The following ZCCHC14 variants were observed in gnomAD, a reference collection of about 807,000 sequenced individuals.
ZCCHC14 encodes zinc finger CCHC-type containing 14.
A neutral mutation model predicts 85.0 loss-of-function variants in ZCCHC14; 16 were observed. The observed-to-expected ratio is 0.19, with a 90% CI of 0.13 to 0.29. ZCCHC14 has a LOEUF of 0.29. ZCCHC14 is among the 10% of genes least tolerant of loss of function. The pLI is 1.00. For synonymous variants in ZCCHC14, 775 were observed against 630.7 expected, an observed-to-expected ratio of 1.23 and a Z score of -3.43; for missense variants, 1,303 against 1,443.5, an observed-to-expected ratio of 0.90 and a Z score of 1.58.
rs1180491460 is a variant in ZCCHC14 at position 87,410,123 on chromosome 16, A to T, written c.*157T>A. 3.8e-6 allele frequency: 2 copies of T among 527,570 alleles called. No individual in the cohort carries two copies. The highest frequency in any genetic ancestry group is 6.7e-6 in the Non-Finnish European group (2 of 296,940). The allele number at this position is 527,570 out of a possible 1,614,324, so 32.7% of individuals were successfully genotyped here. On this transcript the variant is annotated 3_prime_UTR_variant, in exon 13 of 13. Coordinates refer to ENST00000671377, the MANE Select transcript of ZCCHC14 (RefSeq NM_015144.3). Reference sequence around the variant, plus strand: ...GGGTTTTGGCAATAAATCGAGTTTGATGCACTTCTACGCTAGATTTTCTAT... The same window carrying T: ...GGGTTTTGGCAATAAATCGAGTTTGTTGCACTTCTACGCTAGATTTTCTAT...
At chr16:87,482,374 G>A (rs1188474045) in intron 1 of ZCCHC14, among the ~76,000 whole-genome samples, 1 of 152,238 alleles carries the variant, frequency 6.6e-6, no homozygotes, top group Non-Finnish European at 1.5e-5. Context: ...GGAAAGCAGA[G>A]GAAAAACTGA....
chr16:87,411,488 G>A lies in ZCCHC14; in HGVS notation c.3205+28C>T. 4 of 1,610,780 alleles carry A rather than the reference G, an allele frequency of 2.5e-6. No homozygotes were observed. In the South Asian group the frequency reaches 4.4e-5, roughly 18 times the overall value. On this transcript the variant is annotated intron_variant, in intron 12 of 12. Coordinates refer to ENST00000671377, the MANE Select transcript of ZCCHC14 (RefSeq NM_015144.3). The stretch of plus-strand genomic sequence containing the variant: ...GTGTGCACTGGTCCTGCGGGAGCCT[G>A]GTGGGCGCGGCCATGGCGCGCGCTT...
chr16:87,476,124 C>A (rs1384456862), intron 1 of ZCCHC14, among the ~76,000 whole-genome samples: 1 of 152,192 alleles, frequency 6.6e-6, no homozygotes, highest in East Asian at 1.9e-4. Context: ...CCAGTGCAAA[C>A]ATACTTCAAT....
intron 6 of ZCCHC14, among the ~76,000 whole-genome samples, chr16:87,419,165 G>C (rs1167700236): frequency 6.6e-6 from 1 of 150,972 alleles, no homozygotes; most frequent in Non-Finnish European, 1.5e-5. Context: ...GTCTTGCTCT[G>C]TCAACCATGC....
At position 87,477,757 on chromosome 16, in the gene ZCCHC14, C is replaced by T. The variant is rs193129620; in HGVS notation, c.570+13912G>A. Among the ~76,000 whole-genome samples, 791 of 152,182 alleles carry T rather than the reference C, an allele frequency of 5.2e-3. 4 individuals carry two copies. The highest frequency in any genetic ancestry group is 0.018 in the African/African-American group (750 of 41,488). ...GCCTCCTGCACCTGGGGAACACCGC[C>T]ACGCCCCCACCGCATCCCCCTGAGC... On this transcript the variant is annotated intron_variant, in intron 1 of 12. Coordinates refer to ENST00000671377, the MANE Select transcript of ZCCHC14 (RefSeq NM_015144.3).
chr16:87,466,897 G>A (rs1432199449), intron 1 of ZCCHC14, among the ~76,000 whole-genome samples: 1 of 152,108 alleles, frequency 6.6e-6, no homozygotes, highest in African/African-American at 2.4e-5. Context: ...CCCACCAGAG[G>A]GGCAGCCTGC....
At chr16:87,416,589 T>C (rs540044265) in intron 8 of ZCCHC14, among the ~76,000 whole-genome samples, 1 of 152,134 alleles carries the variant, frequency 6.6e-6, no homozygotes, top group African/African-American at 2.4e-5. Flanking sequence ...ACCCTGATTC[T>C]ACTAAAAATA....
intron 2 of ZCCHC14, among the ~76,000 whole-genome samples, chr16:87,458,166 T>A (rs1423071753): frequency 6.6e-6 from 1 of 151,668 alleles, no homozygotes; most frequent in African/African-American, 2.4e-5. Context: ...GAAGGGTCCA[T>A]CCCTTAAGAT....
chr16:87,420,527 T>G lies in ZCCHC14; in HGVS notation c.950+80A>C, dbSNP rs1909038906. On this transcript the variant is annotated intron_variant, in intron 5 of 12. Transcript: ENST00000671377. The surrounding 1 kb of genome is among the most constrained non-coding windows in gnomAD (Gnocchi z 5.0). ...GACCGCGCATCCTCCCAGAGCTCCT[T>G]GGAGGACCACAGCATTGACCACAGG... 1 of 1,186,120 alleles carries G rather than the reference T, an allele frequency of 8.4e-7. No homozygotes were observed. Among genetic ancestry groups the G allele is most frequent in the Non-Finnish European group, 1.2e-6 (1 of 840,446 alleles). The allele number at this position is 1,186,120 out of a possible 1,614,324, so 73.5% of individuals were successfully genotyped here.
chr16:87,440,344 T>C lies in ZCCHC14; in HGVS notation c.695-7143A>G, dbSNP rs146047698. Among the ~76,000 whole-genome samples the C allele has an allele frequency of 3.5e-3, 535 of 152,136 alleles. 2 individuals are homozygous for C. The highest frequency in any genetic ancestry group is 0.013 in the African/African-American group (521 of 41,494). The stretch of plus-strand genomic sequence containing the variant: ...CACGCCTGGCTAATTTTTGCATTTT[T>C]AGTAGAGACAGGGTTTCGACATATT... On this transcript the variant is annotated intron_variant, in intron 2 of 12. Transcript: ENST00000671377.
rs973354799 is a variant in ZCCHC14, at chr16:87,408,160, T to C, written c.*2120A>G. ...ATTTAAGGTTAACCTCTAATACTTA[T>C]CAAAATAGTTACGTGGGTAACAACA... On this transcript the variant is annotated 3_prime_UTR_variant, in exon 13 of 13. Coordinates refer to ENST00000671377, the MANE Select transcript of ZCCHC14 (RefSeq NM_015144.3). The C allele has an allele frequency of 1.3e-5, 2 of 152,664 alleles. No homozygotes were observed. Among genetic ancestry groups the C allele is most frequent in the African/African-American group, 2.4e-5 (1 of 41,466 alleles). 9.5% of individuals were successfully genotyped at this position (152,664 alleles called of 1,614,324 possible).
At chr16:87,480,530 G>T (rs1027222368) in intron 1 of ZCCHC14, among the ~76,000 whole-genome samples, 1 of 152,182 alleles carries the variant, frequency 6.6e-6, no homozygotes, top group Non-Finnish European at 1.5e-5. Flanking sequence ...AAATTAAAAA[G>T]ATAAAAAGTA....
chr16:87,483,467 G>A (rs1176006556), intron 1 of ZCCHC14, among the ~76,000 whole-genome samples: 1 of 151,572 alleles, frequency 6.6e-6, no homozygotes, highest in Non-Finnish European at 1.5e-5. Context: ...CTCCAGCCTG[G>A]GTGACAGAGT....
intron 2 of ZCCHC14, among the ~76,000 whole-genome samples, chr16:87,455,558 G>A (rs1373349431): frequency 6.6e-6 from 1 of 152,158 alleles, no homozygotes; most frequent in African/African-American, 2.4e-5. Flanking sequence ...GACTCCTCCT[G>A]TGTCTCTAAT....
intron 1 of ZCCHC14, among the ~76,000 whole-genome samples, chr16:87,464,830 C>A (rs182350415): frequency 6.6e-6 from 1 of 152,188 alleles, no homozygotes; most frequent in Non-Finnish European, 1.5e-5. Flanking sequence ...GTTTGCTCCA[C>A]GTGACCTATG....
In ZCCHC14 at chr16:87,491,639, T is replaced by C. The variant is rs1177651389; in HGVS notation, c.570+30A>G. On this transcript the variant is annotated intron_variant, in intron 1 of 12. Transcript: ENST00000671377. This position sits in a 1 kb window ranked among gnomAD's most constrained non-coding sequence, Gnocchi z 5.9. ...CAGAGTTGGGGATGCAGACTTGGGGTACAGGGCAGAGCTCGGGGCGGGCAC... is the reference window on the plus strand; with the variant it reads ...CAGAGTTGGGGATGCAGACTTGGGGCACAGGGCAGAGCTCGGGGCGGGCAC... The C allele has an allele frequency of 7.2e-7, 1 of 1,379,452 alleles. No homozygotes were observed. The allele number at this position is 1,379,452 out of a possible 1,614,324, so 85.5% of individuals were successfully genotyped here.
intron 2 of ZCCHC14, among the ~76,000 whole-genome samples, chr16:87,445,592 CCAT>C (rs1472319808): frequency 1.3e-5 from 2 of 152,172 alleles, no homozygotes; most frequent in Non-Finnish European, 2.9e-5. Context: ...TAACAGGCCA[CCAT>C]GTGATCAGAT....
chr16:87,458,958 C>T (rs1003876457), intron 2 of ZCCHC14, among the ~76,000 whole-genome samples: 5 of 152,114 alleles, frequency 3.3e-5, no homozygotes, highest in African/African-American at 7.2e-5. Flanking sequence ...TTTATTTTAC[C>T]GGGTATGCAT....
At chr16:87,479,750 A>G (rs1478640640) in intron 1 of ZCCHC14, among the ~76,000 whole-genome samples, 1 of 152,112 alleles carries the variant, frequency 6.6e-6, no homozygotes, top group Admixed American at 6.5e-5. Flanking sequence ...TCATCCACAT[A>G]CATGCCTCCA....
Sources: allele counts gnomAD v4.1 joint callset (sites outside exome capture counted in the v4.1 genomes callset), GRCh38; gene constraint gnomAD v4.1.1; non-coding constraint Gnocchi (gnomAD v3.1); transcripts MANE v1.5; gene names NCBI Gene and HGNC (gene_info 2026-07-23, HGNC 2026-07-21).